OSBPL1A: variants seen among roughly 807,000 people sequenced by gnomAD.
OSBPL1A encodes oxysterol binding protein like 1A.
OSBPL1A carries 80 observed loss-of-function variants against 137.1 expected under a neutral mutation model. The observed-to-expected ratio is 0.58, with a 90% CI of 0.49 to 0.70. The LOEUF (loss-of-function observed/expected upper bound fraction) is 0.70, where lower values mean the gene tolerates loss of function less well. Ranked by LOEUF, OSBPL1A falls within the 30% of genes least tolerant of loss-of-function variation. The pLI is 0.00. For missense variants in OSBPL1A, 970 were observed against 1,129.4 expected (o/e 0.86, Z 2.02); for synonymous variants, 365 against 389.7 (o/e 0.94, Z 0.75).
chr18:24,207,807 A>G (rs1157591898), intron 17 of OSBPL1A, among the ~76,000 whole-genome samples: 2 of 152,102 alleles, frequency 1.3e-5, no homozygotes, highest in African/African-American at 4.8e-5. Context: ...ATGCAGTGGC[A>G]CAGTCTTGGC....
chr18:24,214,960 C>T (rs2145973034), intron 17 of OSBPL1A, among the ~76,000 whole-genome samples: 1 of 152,336 alleles, frequency 6.6e-6, no homozygotes, highest in South Asian at 2.1e-4. Context: ...GCTACTTCCA[C>T]AGCCTGATTT....
chr18:24,209,044 A>AT (rs2087454736), intron 17 of OSBPL1A, among the ~76,000 whole-genome samples: 1 of 152,218 alleles, frequency 6.6e-6, no homozygotes. Context: ...GAGCACTAAC[A>AT]TAATAGAAAA....
chr18:24,287,409 A>G (rs1043343723), intron 14 of OSBPL1A, among the ~76,000 whole-genome samples: 1 of 152,242 alleles, frequency 6.6e-6, no homozygotes, highest in Non-Finnish European at 1.5e-5. Context: ...ACTGGATGAC[A>G]TAAGAGAGTT....
chr18:24,273,961 C>G (rs1012352899), intron 15 of OSBPL1A, among the ~76,000 whole-genome samples: 4 of 152,054 alleles, frequency 2.6e-5, no homozygotes, highest in African/African-American at 9.7e-5. Context: ...GAACCGGGCA[C>G]GGTGGCTCAC....
At chr18:24,367,110 A>G (rs2091713929) in intron 3 of OSBPL1A, 144 bp from the exon 4 acceptor site, 1 of 674,580 alleles carries the variant, frequency 1.5e-6, no homozygotes. Flanking sequence ...TAAAGTAACA[A>G]TAAAAAGCCA....
chr18:24,394,627 A>G (rs1316289409), intron 1 of OSBPL1A, among the ~76,000 whole-genome samples: 1 of 152,186 alleles, frequency 6.6e-6, no homozygotes, highest in Non-Finnish European at 1.5e-5. Context: ...ATTTTAGAAA[A>G]ATGCATTAAA....
At chr18:24,368,669 G>A (rs777882281) in intron 2 of OSBPL1A, 9 of 259,694 alleles carry the variant, frequency 3.5e-5, no homozygotes, top group Admixed American at 9.3e-5. Context: ...CTAGGGCTCC[G>A]AGTCTTTAAT....
intron 7 of OSBPL1A, among the ~76,000 whole-genome samples, chr18:24,322,354 C>T (rs1434775165): frequency 6.6e-6 from 1 of 151,494 alleles, no homozygotes; most frequent in East Asian, 1.9e-4. Flanking sequence ...ATCTCCTGAC[C>T]TCGTGATCTG....
At chr18:24,345,467 A>G (rs538814485) in intron 4 of OSBPL1A, among the ~76,000 whole-genome samples, 48 of 152,282 alleles carry the variant, frequency 3.2e-4, no homozygotes, top group African/African-American at 1.1e-3. Context: ...TGGGCGGATC[A>G]CTTGAGATCA....
At chr18:24,219,679 G>C (rs887462413) in intron 17 of OSBPL1A, among the ~76,000 whole-genome samples, 3 of 152,066 alleles carry the variant, frequency 2.0e-5, no homozygotes, top group Non-Finnish European at 4.4e-5. Flanking sequence ...GCTAGAACTG[G>C]AAGCAGTTCT....
intron 16 of OSBPL1A, 21 bp downstream of exon 16, chr18:24,239,199 A>C: frequency 6.2e-7 from 1 of 1,610,594 alleles, no homozygotes; most frequent in Admixed American, 1.7e-5. Flanking sequence ...AACAATGCAG[A>C]GGGAAGGATC....
chr18:24,195,880 G>A, intron 18 of OSBPL1A: 1 of 457,654 alleles, frequency 2.2e-6, no homozygotes. Flanking sequence ...TGTGTCAACA[G>A]AAACACGGCA....
At chr18:24,364,033 C>T (rs917325146) in intron 4 of OSBPL1A, among the ~76,000 whole-genome samples, 3 of 152,006 alleles carry the variant, frequency 2.0e-5, no homozygotes, top group Non-Finnish European at 2.9e-5. Flanking sequence ...TGAGCAATCT[C>T]AACTCCATCT....
intron 14 of OSBPL1A, chr18:24,301,348 G>C (rs1225430917): frequency 6.6e-6 from 1 of 152,168 alleles, no homozygotes; most frequent in Non-Finnish European, 1.5e-5. Flanking sequence ...TTTGACTCAA[G>C]ATTCTTTTTA....
intron 18 of OSBPL1A, among the ~76,000 whole-genome samples, chr18:24,193,888 C>T (rs926259921): frequency 6.6e-6 from 1 of 152,200 alleles, no homozygotes; most frequent in Non-Finnish European, 1.5e-5. Flanking sequence ...TTTACTTGTA[C>T]AAGAAGTTAT....
chr18:24,177,698 C>T (rs1249954923), intron 21 of OSBPL1A, among the ~76,000 whole-genome samples: 3 of 152,120 alleles, frequency 2.0e-5, no homozygotes, highest in Non-Finnish European at 2.9e-5. Context: ...GATCTGTAAA[C>T]AAAACATTGG....
At chr18:24,223,611 G>C (rs1231918612) in intron 17 of OSBPL1A, among the ~76,000 whole-genome samples, 2 of 152,068 alleles carry the variant, frequency 1.3e-5, no homozygotes, top group South Asian at 2.1e-4. Flanking sequence ...TACCATTCTG[G>C]GTTTGACTTT....
intron 2 of OSBPL1A, among the ~76,000 whole-genome samples, chr18:24,368,936 G>A (rs1002137836): frequency 5.3e-5 from 8 of 152,054 alleles, no homozygotes; most frequent in South Asian, 2.1e-4. Context: ...TCATAGGGGC[G>A]GATTTCCCTC....
At chr18:24,283,183 T>C in intron 14 of OSBPL1A, among the ~76,000 whole-genome samples, 1 of 146,388 alleles carries the variant, frequency 6.8e-6, no homozygotes, top group Non-Finnish European at 1.5e-5. Context: ...GAGAATCACT[T>C]CAACCTGGGA....
Sources: gnomAD v4.1 joint callset for allele counts (sites outside exome capture counted in the v4.1 genomes callset) on GRCh38, gnomAD v4.1.1 for gene constraint, MANE v1.5 for transcripts, NCBI Gene and HGNC (gene_info 2026-07-23, HGNC 2026-07-21) for gene names.